Variants in ZFPM2 observed in about 807,000 individuals in gnomAD.
The protein encoded by ZFPM2 is zinc finger protein, FOG family member 2, also known as zinc finger protein ZFPM2.
ZFPM2 carries 20 observed loss-of-function variants against 98.6 expected under a neutral mutation model. The ratio of observed to expected loss-of-function variants is 0.20; its 90% confidence interval spans 0.14 to 0.29. The LOEUF (loss-of-function observed/expected upper bound fraction) is 0.29, where lower values mean the gene tolerates loss of function less well. Ranked by LOEUF, ZFPM2 falls within the 10% of genes least tolerant of loss-of-function variation. ZFPM2 has a pLI of 1.00. For missense variants in ZFPM2, 1,310 were observed against 1,388.6 expected (o/e 0.94, Z 0.90); for synonymous variants, 518 against 502.7 (o/e 1.03, Z -0.41).
At chr8:105,344,630 C>T in intron 1 of ZFPM2, among the ~76,000 whole-genome samples, 1 of 151,984 alleles carries the variant, frequency 6.6e-6, no homozygotes, top group African/African-American at 2.4e-5. Context: ...CCCACAATAC[C>T]TGGGTCTATT....
intron 1 of ZFPM2, among the ~76,000 whole-genome samples, chr8:105,415,324 T>C (rs1156663505): frequency 6.6e-6 from 1 of 152,096 alleles, no homozygotes; most frequent in Admixed American, 6.6e-5. Context: ...TAAATATTCA[T>C]ATTTATAAAC....
chr8:105,353,496 C>A (rs1370855350), intron 1 of ZFPM2, among the ~76,000 whole-genome samples: 5 of 152,128 alleles, frequency 3.3e-5, no homozygotes, highest in Non-Finnish European at 7.3e-5. Flanking sequence ...TCCAGGTAGT[C>A]CCTGACACCA....
intron 2 of ZFPM2, among the ~76,000 whole-genome samples, chr8:105,442,481 C>T (rs1812274466): frequency 6.6e-6 from 1 of 152,110 alleles, no homozygotes; most frequent in African/African-American, 2.4e-5. Flanking sequence ...TCATCCTGCA[C>T]CTACCACAGT....
At chr8:105,454,523 C>T (rs1190238371) in intron 3 of ZFPM2, among the ~76,000 whole-genome samples, 1 of 152,198 alleles carries the variant, frequency 6.6e-6, no homozygotes, top group Non-Finnish European at 1.5e-5. Flanking sequence ...CTAACTTACA[C>T]TTGCAGTGAT....
intron 4 of ZFPM2, among the ~76,000 whole-genome samples, chr8:105,623,069 A>G (rs1412654922): frequency 6.6e-6 from 1 of 152,154 alleles, no homozygotes; most frequent in East Asian, 1.9e-4. Flanking sequence ...AACATTTATA[A>G]TATTTCTGTT....
chr8:105,733,858 C>T (rs1030811230), intron 5 of ZFPM2, among the ~76,000 whole-genome samples: 2 of 151,838 alleles, frequency 1.3e-5, no homozygotes, highest in Admixed American at 6.6e-5. Flanking sequence ...GATTCAGATT[C>T]TGTTGTCTTA....
intron 4 of ZFPM2, among the ~76,000 whole-genome samples, chr8:105,577,406 C>T (rs1815489510): frequency 6.6e-6 from 1 of 151,990 alleles, no homozygotes. Flanking sequence ...AAAATGAATA[C>T]ATTTGTATGT....
chr8:105,560,221 C>T (rs1195775049), intron 3 of ZFPM2, among the ~76,000 whole-genome samples: 1 of 149,822 alleles, frequency 6.7e-6, no homozygotes, highest in Non-Finnish European at 1.5e-5. Context: ...ATATTCTATT[C>T]TATTTTCCTC....
chr8:105,661,552 G>A (rs1194727501), intron 5 of ZFPM2, among the ~76,000 whole-genome samples: 5 of 152,096 alleles, frequency 3.3e-5, no homozygotes, highest in African/African-American at 7.2e-5. Context: ...TTGTTAGACC[G>A]CAGACCTTTA....
chr8:105,484,926 T>G (rs1813199084), intron 3 of ZFPM2, among the ~76,000 whole-genome samples: 1 of 151,904 alleles, frequency 6.6e-6, no homozygotes, highest in Non-Finnish European at 1.5e-5. Flanking sequence ...TTAAAGGAGG[T>G]TTGGATTCTC....
chr8:105,376,205 T>C (rs1218828585), intron 1 of ZFPM2, among the ~76,000 whole-genome samples: 1 of 152,178 alleles, frequency 6.6e-6, no homozygotes, highest in Admixed American at 6.5e-5. Flanking sequence ...TCCCTCCTTC[T>C]TGAAGCACGT....
intron 3 of ZFPM2, among the ~76,000 whole-genome samples, chr8:105,447,586 A>G (rs971659748): frequency 2.0e-5 from 3 of 152,106 alleles, no homozygotes; most frequent in African/African-American, 7.2e-5. Flanking sequence ...GAGGTATTGA[A>G]ACAGATTTCG....
intron 3 of ZFPM2, among the ~76,000 whole-genome samples, chr8:105,507,769 T>C (rs1375139025): frequency 2.0e-5 from 3 of 152,130 alleles, no homozygotes; most frequent in African/African-American, 7.2e-5. Context: ...AAAGTTGTGC[T>C]TGTACCCCTG....
chr8:105,420,860 G>A (rs980453798), intron 2 of ZFPM2, among the ~76,000 whole-genome samples: 4 of 152,132 alleles, frequency 2.6e-5, no homozygotes, highest in African/African-American at 9.7e-5. Context: ...GTGAATAAAA[G>A]AGTTAACGTA....
intron 1 of ZFPM2, among the ~76,000 whole-genome samples, chr8:105,366,013 C>G (rs1407613767): frequency 6.6e-6 from 1 of 152,146 alleles, no homozygotes; most frequent in African/African-American, 2.4e-5. Flanking sequence ...CTTCCCACAT[C>G]TTTATAAATG....
At chr8:105,494,229 T>TATAAA (rs1563684629) in intron 3 of ZFPM2, among the ~76,000 whole-genome samples, 1 of 85,980 alleles carries the variant, frequency 1.2e-5, no homozygotes, top group African/African-American at 4.2e-5. Context: ...ATATATATAA[T>TATAAA]CTCAAACTCA....
chr8:105,326,901 T>G (rs1333960325), intron 1 of ZFPM2, among the ~76,000 whole-genome samples: 1 of 150,858 alleles, frequency 6.6e-6, no homozygotes, highest in Non-Finnish European at 1.5e-5. Context: ...ATATATAAAT[T>G]TAATATCCCA....
intron 5 of ZFPM2, among the ~76,000 whole-genome samples, chr8:105,651,205 A>C (rs1407591333): frequency 6.6e-6 from 1 of 151,576 alleles, no homozygotes; most frequent in Non-Finnish European, 1.5e-5. Context: ...TCCTTTGACT[A>C]CCTCATTTAT....
At chr8:105,598,178 A>G (rs933157015) in intron 4 of ZFPM2, among the ~76,000 whole-genome samples, 22 of 148,972 alleles carry the variant, frequency 1.5e-4, no homozygotes, top group Admixed American at 7.5e-4. Flanking sequence ...ATTAATTCCC[A>G]TGAGACCTGC....
Sources: gnomAD v4.1 joint callset for allele counts (sites outside exome capture counted in the v4.1 genomes callset) on GRCh38, gnomAD v4.1.1 for gene constraint, MANE v1.5 for transcripts, NCBI Gene and HGNC (gene_info 2026-07-23, HGNC 2026-07-21) for gene names.